MEAF6: variants seen among roughly 807,000 people sequenced by gnomAD.
MEAF6 encodes the protein MYST/Esa1 associated factor 6, also known as chromatin modification-related protein MEAF6.
Under a neutral mutation model 28.9 loss-of-function variants are expected in MEAF6, and 15 were observed. The ratio of observed to expected loss-of-function variants is 0.52; its 90% confidence interval spans 0.35 to 0.80. The LOEUF is 0.80. Among genes scored for constraint, MEAF6 ranks in the 30% least tolerant of loss-of-function variants. MEAF6 has a pLI of 0.01. For synonymous variants in MEAF6, 97 were observed against 88.7 expected (o/e 1.09, Z -0.53); for missense variants, 178 against 237.5 (o/e 0.75, Z 1.65).
intron 6 of MEAF6, 69 bp from the exon 7 acceptor site, chr1:37,494,176 A>T: frequency 7.3e-7 from 1 of 1,377,710 alleles, no homozygotes; most frequent in Non-Finnish European, 1.0e-6. Flanking sequence ...AAAGGAAAAA[A>T]AAAATCTCAT....
chr1:37,499,851 A>C (rs1385586847), intron 5 of MEAF6, among the ~76,000 whole-genome samples: 1 of 152,230 alleles, frequency 6.6e-6, no homozygotes, highest in African/African-American at 2.4e-5. Flanking sequence ...ACTCCTTTTT[A>C]TCAGTCACCA....
rs1268417200 is a variant in MEAF6, at chr1:37,493,712, T to C, written c.*387A>G. 7.7e-6 allele frequency: 10 copies of C among 1,299,960 alleles called. No individual in the cohort carries two copies. The highest frequency in any genetic ancestry group is 7.5e-5 in the East Asian group (3 of 39,770). The allele number at this position is 1,299,960 out of a possible 1,614,324, so 80.5% of individuals were successfully genotyped here. The stretch of plus-strand genomic sequence containing the variant: ...ATATTTACAGCCTCCATCTGAAATG[T>C]GACTTGTGTTCTACTTTCAGCATAA... On this transcript the variant is annotated 3_prime_UTR_variant, in exon 7 of 7. Transcript: ENST00000296214.
chr1:37,492,745 A>G lies in MEAF6; in HGVS notation c.*1354T>C, dbSNP rs1641979583. On this transcript the variant is annotated 3_prime_UTR_variant, in exon 7 of 7. Coordinates refer to ENST00000296214, the MANE Select transcript of MEAF6 (RefSeq NM_001270875.3). ...TAGGCATAAGTCAAGGACTATGACT[A>G]ACTAGAGTGAAAGGAAAGGTTAGAC... 6.6e-6 allele frequency: 1 copy of G among 152,654 alleles called. No homozygotes were observed. The highest frequency in any genetic ancestry group is 2.4e-5 in the African/African-American group (1 of 41,446). 9.5% of individuals were successfully genotyped at this position (152,654 alleles called of 1,614,324 possible). A position where few individuals can be genotyped will look rare whatever the true frequency, so the allele number is the denominator to read the frequency against.
chr1:37,499,650 C>T (rs2148067836), intron 5 of MEAF6, among the ~76,000 whole-genome samples: 1 of 152,274 alleles, frequency 6.6e-6, no homozygotes. Flanking sequence ...GACAAAAGGA[C>T]AGCAATAAAA....
At chr1:37,495,333 A>AAAATAAAT (rs199695721) in intron 6 of MEAF6, among the ~76,000 whole-genome samples, 1,763 of 138,508 alleles carry the variant, frequency 0.013, 21 homozygotes, top group East Asian at 0.021. Context: ...TCCGTCTCAA[A>AAAATAAAT]AAATAAATAA....
intron 5 of MEAF6, 66 bp from the exon 6 acceptor site, chr1:37,495,984 AC>A: frequency 7.8e-7 from 1 of 1,285,434 alleles, no homozygotes; most frequent in Non-Finnish European, 1.1e-6. Flanking sequence ...ACAATCAGCT[AC>A]TGCATAGGGC....
intron 5 of MEAF6, among the ~76,000 whole-genome samples, chr1:37,498,786 T>A (rs1447966213): frequency 6.6e-6 from 1 of 152,134 alleles, no homozygotes; most frequent in Non-Finnish European, 1.5e-5. Context: ...GACATACTGT[T>A]CAGGTATCAT....
chr1:37,502,397 G>A (rs1415361280), intron 4 of MEAF6, among the ~76,000 whole-genome samples: 1 of 151,508 alleles, frequency 6.6e-6, no homozygotes. Context: ...AAATATATAT[G>A]TTTACACAAG....
intron 4 of MEAF6, among the ~76,000 whole-genome samples, chr1:37,503,735 G>T: frequency 6.6e-6 from 1 of 151,668 alleles, no homozygotes; most frequent in Non-Finnish European, 1.5e-5. Flanking sequence ...AGGCCGAGGT[G>T]GGTGGATCAC....
At chr1:37,506,566 T>C (rs1642490463) in intron 4 of MEAF6, among the ~76,000 whole-genome samples, 2 of 152,058 alleles carry the variant, frequency 1.3e-5, no homozygotes, top group African/African-American at 4.8e-5. Context: ...TTGTTTTTGG[T>C]AGAGATAGGG....
At position 37,491,330 on chromosome 1, in the gene MEAF6, C is replaced by T. The variant is rs189141246; in HGVS notation, c.*2769G>A. On this transcript the variant is annotated 3_prime_UTR_variant, in exon 7 of 7. Coordinates refer to ENST00000296214, the MANE Select transcript of MEAF6 (RefSeq NM_001270875.3). ...GACCAGCCTGCCCATCATGGCAAAA[C>T]CCCATCTCCACTAAAAATACAAAAC... Among the ~76,000 whole-genome samples the T allele has an allele frequency of 3.2e-3, 480 of 152,232 alleles. No homozygotes were observed. The highest frequency in any genetic ancestry group is 5.6e-3 in the Non-Finnish European group (384 of 68,018).
Position 37,490,103 on chromosome 1 carries a change from T to C in MEAF6, c.*3996A>G, listed in dbSNP as rs531116960. Reference sequence around the variant, plus strand: ...AATACATCCAAAGTGAGAAACTAAATAAGGCTGAGCCTCAAAATGAATATA... The same window carrying C: ...AATACATCCAAAGTGAGAAACTAAACAAGGCTGAGCCTCAAAATGAATATA... On this transcript the variant is annotated 3_prime_UTR_variant, in exon 7 of 7. Transcript: ENST00000296214. 9.2e-5 allele frequency among the ~76,000 whole-genome samples: 14 copies of C among 152,240 alleles called. No individual in the cohort carries two copies. Among genetic ancestry groups the C allele is most frequent in the African/African-American group, 2.9e-4 (12 of 41,532 alleles).
At chr1:37,498,069 C>T (rs1569957880) in intron 5 of MEAF6, among the ~76,000 whole-genome samples, 1 of 152,160 alleles carries the variant, frequency 6.6e-6, no homozygotes, top group Non-Finnish European at 1.5e-5. Flanking sequence ...GCTCCTTCAC[C>T]GGCTCCAACA....
In MEAF6 at chr1:37,509,488, C is replaced by G. The variant is rs1444895879; in HGVS notation, c.261G>C (p.Arg87=). Residue 87 remains arginine (R), a synonymous_variant, in exon 3 of 7, where the codon CGG becomes CGC. Transcript: ENST00000296214. The part of the protein sequence containing the change: ...RRNRKFKEAE[R]LFSKSSVTSA... ...AGGTAACCGAGGATTTACTGAAGAG[C>G]CGCTCAGCTTCCTTAAACTTCCGGT... 1.2e-6 allele frequency: 2 copies of G among 1,614,092 alleles called. No homozygotes were observed.
chr1:37,508,613 A>G (rs1009786567), intron 4 of MEAF6, among the ~76,000 whole-genome samples: 2 of 152,072 alleles, frequency 1.3e-5, no homozygotes, highest in African/African-American at 4.8e-5. Context: ...GAATTATTAA[A>G]TTGGGTACAT....
intron 4 of MEAF6, among the ~76,000 whole-genome samples, chr1:37,506,558 GT>G (rs1315513858): frequency 6.6e-6 from 1 of 151,726 alleles, no homozygotes; most frequent in African/African-American, 2.4e-5. Context: ...GTTTTGTTTT[GT>G]TTTTGGTAGA....
chr1:37,513,771 C>T, intron 1 of MEAF6: 5 of 572,224 alleles, frequency 8.7e-6, no homozygotes, highest in Non-Finnish European at 1.6e-5. Context: ...AAAATACACA[C>T]ACACGCGAAA....
At chr1:37,497,733 A>G (rs192471693) in intron 5 of MEAF6, among the ~76,000 whole-genome samples, 1 of 152,058 alleles carries the variant, frequency 6.6e-6, no homozygotes, top group African/African-American at 2.4e-5. Flanking sequence ...CTGGGATTAC[A>G]GGCGCCTGCC....
At chr1:37,505,830 A>G (rs934740909) in intron 4 of MEAF6, among the ~76,000 whole-genome samples, 5 of 152,240 alleles carry the variant, frequency 3.3e-5, no homozygotes, top group Non-Finnish European at 7.3e-5. Flanking sequence ...AGACAATTCA[A>G]TGAAGAAAGA....
Sources: gnomAD v4.1 joint callset for allele counts (sites outside exome capture counted in the v4.1 genomes callset) on GRCh38, gnomAD v4.1.1 for gene constraint, MANE v1.5 for transcripts, NCBI Gene and HGNC (gene_info 2026-07-23, HGNC 2026-07-21) for gene names.